The following CLDN14 variants were observed in gnomAD, a reference collection of about 807,000 sequenced individuals.
CLDN14 encodes the protein claudin 14.
Under a neutral mutation model 2.1 loss-of-function variants are expected in CLDN14, and 2 were observed. The ratio of observed to expected loss-of-function variants is 0.96; its 90% CI spans 0.39 to 3.01. The LOEUF (loss-of-function observed/expected upper bound fraction) is 3.01. CLDN14 is among the 30% of genes most tolerant of loss of function. CLDN14 has a pLI of 0.09. For missense variants in CLDN14, 298 were observed against 328.0 expected, an observed-to-expected ratio of 0.91 and a Z score of 0.71; for synonymous variants, 136 against 154.4, an observed-to-expected ratio of 0.88 and a Z score of 0.88.
rs1041483066 is a variant in CLDN14 at position 36,498,582 on chromosome 21, A to G, written c.-82+11781T>C. Among the ~76,000 whole-genome samples, 1 of 152,176 alleles carries G rather than the reference A, an allele frequency of 6.6e-6. No individual in the cohort carries two copies. The highest frequency in any genetic ancestry group is 1.5e-5 in the Non-Finnish European group (1 of 68,034). On this transcript the variant is annotated intron_variant, in intron 2 of 2. Transcript: ENST00000342108. This position sits in a 1 kb window ranked among gnomAD's most constrained non-coding sequence, Gnocchi z 4.9. ...CTTGTTGTGAGTATAAGCCTCTATA[A>G]ACTGAGCACTGTTGCAGGCGATGGG...
Position 36,461,327 on chromosome 21 carries a change from G to C in CLDN14, c.369C>G (p.Thr123=), listed in dbSNP as rs727502938. The change falls in exon 2 of 2, where the codon ACC becomes ACG. Residue 123 remains threonine (T), a synonymous_variant. Transcript: ENST00000399135. ...ACAGGAGGCCGGCCAGGATGAAGAGGGTGCCGCCGAGGATGGCAAAGGTGG... is the reference window on the plus strand; with the variant it reads ...ACAGGAGGCCGGCCAGGATGAAGAGCGTGCCGCCGAGGATGGCAAAGGTGG... ...AKTTFAILGG[T]LFILAGLLCM... The C allele has an allele frequency of 6.2e-7, 1 of 1,613,548 alleles. No homozygotes were observed. Among genetic ancestry groups the C allele is most frequent in the Non-Finnish European group, 8.5e-7 (1 of 1,179,978 alleles).
chr21:36,539,714 TGTTA>T (rs983734520), intron 1 of CLDN14, among the ~76,000 whole-genome samples: 1 of 134,150 alleles, frequency 7.5e-6, no homozygotes, highest in African/African-American at 2.9e-5. Flanking sequence ...GAGTGTACGG[TGTTA>T]GTGTGTGTGG....
At chr21:36,516,337 C>A (rs1465976788) in intron 1 of CLDN14, among the ~76,000 whole-genome samples, 3 of 151,782 alleles carry the variant, frequency 2.0e-5, no homozygotes, top group Non-Finnish European at 4.4e-5. Flanking sequence ...TTATCTTTGT[C>A]ATTTATTGTA....
At chr21:36,556,251 G>A (rs2087598539) in intron 1 of CLDN14, among the ~76,000 whole-genome samples, 1 of 152,130 alleles carries the variant, frequency 6.6e-6, no homozygotes, top group African/African-American at 2.4e-5. Flanking sequence ...AGTTAAACTG[G>A]CTTATATTAG....
intron 1 of CLDN14, among the ~76,000 whole-genome samples, chr21:36,522,903 C>T (rs561644462): frequency 6.6e-6 from 1 of 152,150 alleles, no homozygotes; most frequent in South Asian, 2.1e-4. Context: ...ATCCAGTGTT[C>T]ACTGTAGCCA....
chr21:36,487,494 AAGAATC>A (rs1705760391), intron 2 of CLDN14: 1 of 153,704 alleles, frequency 6.5e-6, no homozygotes, highest in South Asian at 2.1e-4. Context: ...TCTACTTAGA[AAGAATC>A]AGATAGAATT....
intron 1 of CLDN14, among the ~76,000 whole-genome samples, chr21:36,555,344 G>A (rs1233371659): frequency 6.6e-6 from 1 of 152,218 alleles, no homozygotes; most frequent in African/African-American, 2.4e-5. Flanking sequence ...CCCGTACTCA[G>A]CACGGGAATT....
At chr21:36,496,719 A>G (rs1429708025) in intron 2 of CLDN14, among the ~76,000 whole-genome samples, 20 of 36,994 alleles carry the variant, frequency 5.4e-4, no homozygotes, top group East Asian at 1.4e-3. Context: ...GGAGGGGAGG[A>G]AGGGAGGGAG....
chr21:36,563,537 C>A (rs1318699262), intron 1 of CLDN14, among the ~76,000 whole-genome samples: 15 of 152,178 alleles, frequency 9.9e-5, no homozygotes, highest in Admixed American at 9.8e-4. Context: ...GGTTTACAAT[C>A]CTTACAGTCT....
rs1476761858 is a variant in CLDN14 at position 36,499,777 on chromosome 21, G to A, written c.-82+10586C>T. On this transcript the variant is annotated intron_variant, in intron 2 of 2. Coordinates refer to the CLDN14 transcript ENST00000342108. The surrounding 1 kb of genome is among the most constrained non-coding windows in gnomAD (Gnocchi z 4.7). ...CGTATTCTAGCTCATGGAGCCAGCT[G>A]GGCAAAGCCAGCAGGGATTTATTGC... Among the ~76,000 whole-genome samples, 1 of 152,146 alleles carries A rather than the reference G, an allele frequency of 6.6e-6. No homozygotes were observed. The highest frequency in any genetic ancestry group is 2.4e-5 in the African/African-American group (1 of 41,428).
At chr21:36,470,855 A>T (rs2086702242) in intron 1 of CLDN14, among the ~76,000 whole-genome samples, 1 of 152,260 alleles carries the variant, frequency 6.6e-6, no homozygotes, top group Admixed American at 6.5e-5. Flanking sequence ...TCAAGCCTAT[A>T]ATCCCAGCTA....
chr21:36,480,800 C>CGT (rs2086837003), upstream of CLDN14: 1 of 152,164 alleles, frequency 6.6e-6, no homozygotes, highest in African/African-American at 2.4e-5. Flanking sequence ...TGGGCTTCTG[C>CGT]GTGTCTTCCA....
At chr21:36,474,709 T>G (rs2086753505) in intron 1 of CLDN14, among the ~76,000 whole-genome samples, 1 of 152,054 alleles carries the variant, frequency 6.6e-6, no homozygotes, top group Admixed American at 6.6e-5. Flanking sequence ...CTTGTTTTGC[T>G]GTTGTTTTGA....
At position 36,486,618 on chromosome 21, in the gene CLDN14, C is replaced by T. The variant is rs139201577; in HGVS notation, c.-82+23745G>A. The T allele has an allele frequency of 2.0e-3, 3,065 of 1,539,944 alleles. 64 individuals carry two copies. The African/African-American group carries it at 0.037, about 18-fold the overall frequency. ...AGATGAGAACCGCTTCCATCTTTGC[C>T]ATTCAACGTGTTTACAAAGGCTGTC... On this transcript the variant is annotated intron_variant, in intron 2 of 2. Coordinates refer to the CLDN14 transcript ENST00000342108.
intron 1 of CLDN14, among the ~76,000 whole-genome samples, chr21:36,467,163 C>T (rs2086656939): frequency 6.6e-6 from 1 of 152,176 alleles, no homozygotes; most frequent in African/African-American, 2.4e-5. Flanking sequence ...TCCATATAAA[C>T]TTTTATGTTG....
intron 2 of CLDN14, among the ~76,000 whole-genome samples, chr21:36,489,405 AATCTTGATCCATGCCC>A (rs2086938576): frequency 6.6e-6 from 1 of 152,048 alleles, no homozygotes; most frequent in Admixed American, 6.6e-5. Flanking sequence ...ACCAATGGCA[AATCTTGATCCATGCCC>A]ACCCCAGGAG....
At position 36,553,704 on chromosome 21, in the gene CLDN14, AAGGACCTGCTACAGTCAGC is replaced by A. The variant is rs566917951; in HGVS notation, c.-220+22688_-220+22706del. ...TGGCGGTCTCACTGCTAGCCCCTAGAAGGACCTGCTACAGTCAGCAGGACCTGCTACAGTCAGCAGCACC... is the reference window on the plus strand; with the variant it reads ...TGGCGGTCTCACTGCTAGCCCCTAGAAGGACCTGCTACAGTCAGCAGCACC... On this transcript the variant is annotated intron_variant, in intron 1 of 2. Transcript: ENST00000342108. Among the ~76,000 whole-genome samples, 97 of 152,052 alleles carry A rather than the reference AAGGACCTGCTACAGTCAGC, an allele frequency of 6.4e-4. 1 individual carries two copies. In the East Asian group the frequency reaches 0.012, roughly 19 times the overall value.
At chr21:36,524,573 C>A (rs2187304) in intron 1 of CLDN14, among the ~76,000 whole-genome samples, 77,021 of 152,062 alleles carry the variant, frequency 0.51, 20,838 homozygotes, top group Middle Eastern at 0.62. Flanking sequence ...TCCACGTGAC[C>A]GTGCTGTGGG....
intron 2 of CLDN14, among the ~76,000 whole-genome samples, chr21:36,509,594 T>A (rs752502519): frequency 9.2e-5 from 14 of 151,944 alleles, no homozygotes; most frequent in Non-Finnish European, 1.8e-4. Flanking sequence ...TGCTTTTATT[T>A]TTTATTTATT....
Sources: allele counts gnomAD v4.1 joint callset (sites outside exome capture counted in the v4.1 genomes callset), GRCh38; gene constraint gnomAD v4.1.1; non-coding constraint Gnocchi (gnomAD v3.1); transcripts MANE v1.5; gene names NCBI Gene and HGNC (gene_info 2026-07-23, HGNC 2026-07-21).